TUBA1C: variants seen among roughly 807,000 people sequenced by gnomAD.
TUBA1C encodes the protein tubulin alpha 1c.
Under a neutral mutation model 34.9 loss-of-function variants are expected in TUBA1C, and 16 were observed. The ratio of observed to expected loss-of-function variants is 0.46; its 90% confidence interval spans 0.31 to 0.70. The LOEUF (loss-of-function observed/expected upper bound fraction) is 0.70. TUBA1C is among the 30% of genes least tolerant of loss of function. The pLI is 0.05. For synonymous variants in TUBA1C, 177 were observed against 215.9 expected (o/e 0.82, Z 1.58); for missense variants, 329 against 587.3 (o/e 0.56, Z 4.55).
upstream of TUBA1C, chr12:49,264,643 G>T (rs1942876126): frequency 6.6e-6 from 1 of 152,322 alleles, no homozygotes; most frequent in Non-Finnish European, 1.5e-5. Context: ...GGGCGCGGTC[G>T]CCCTCTTACC....
intron 1 of TUBA1C, among the ~76,000 whole-genome samples, chr12:49,253,984 C>T (rs1185284941): frequency 6.6e-6 from 1 of 152,016 alleles, no homozygotes; most frequent in Non-Finnish European, 1.5e-5. Context: ...AAATCAGGGA[C>T]GGGGAGCCCT....
chr12:49,232,303 A>G (rs1942506246), intron 1 of TUBA1C, among the ~76,000 whole-genome samples: 1 of 152,198 alleles, frequency 6.6e-6, no homozygotes. Context: ...TGTCCTTCTC[A>G]GCACAGTAAG....
chr12:49,242,394 A>C (rs1189266665), intron 1 of TUBA1C, among the ~76,000 whole-genome samples: 1 of 152,210 alleles, frequency 6.6e-6, no homozygotes, highest in African/African-American at 2.4e-5. Context: ...CTTAACTAGC[A>C]AAACCAGTCC....
At chr12:49,271,785 G>A (rs924275103) in intron 3 of TUBA1C, among the ~76,000 whole-genome samples, 1 of 152,168 alleles carries the variant, frequency 6.6e-6, no homozygotes, top group African/African-American at 2.4e-5. Context: ...GCCCTGTTCT[G>A]TGGCCACAGC....
chr12:49,245,504 G>A (rs1194547740), intron 1 of TUBA1C, among the ~76,000 whole-genome samples: 1 of 152,184 alleles, frequency 6.6e-6, no homozygotes, highest in East Asian at 1.9e-4. Context: ...AGCTACTCAG[G>A]AGGCTGAGGT....
At chr12:49,235,226 G>A (rs989271156) in intron 1 of TUBA1C, among the ~76,000 whole-genome samples, 5 of 151,718 alleles carry the variant, frequency 3.3e-5, no homozygotes, top group African/African-American at 9.7e-5. Context: ...GGACAAAAAG[G>A]CAGTATAGGT....
At chr12:49,266,253 GTC>G (rs1942910083) in intron 1 of TUBA1C, among the ~76,000 whole-genome samples, 1 of 131,232 alleles carries the variant, frequency 7.6e-6, no homozygotes, top group African/African-American at 2.9e-5. Flanking sequence ...GTGAAACCCC[GTC>G]TCTACTAAAA....
chr12:49,244,796 A>T (rs1942651292), intron 1 of TUBA1C, among the ~76,000 whole-genome samples: 1 of 152,204 alleles, frequency 6.6e-6, no homozygotes, highest in Non-Finnish European at 1.5e-5. Flanking sequence ...ATGAGATTGA[A>T]GGCCATCCCA....
intron 1 of TUBA1C, among the ~76,000 whole-genome samples, chr12:49,260,030 G>C (rs986745760): frequency 6.6e-6 from 1 of 152,180 alleles, no homozygotes; most frequent in Non-Finnish European, 1.5e-5. Flanking sequence ...TGCTTTTTCA[G>C]TACATGAATA....
chr12:49,238,109 C>CAA (rs759147395), intron 1 of TUBA1C, among the ~76,000 whole-genome samples: 11 of 103,804 alleles, frequency 1.1e-4, no homozygotes, highest in African/African-American at 1.0e-4. Context: ...GATTCCGCCT[C>CAA]AAAAAAAAAA....
At chr12:49,258,457 T>C (rs1437187614) in intron 1 of TUBA1C, among the ~76,000 whole-genome samples, 1 of 152,146 alleles carries the variant, frequency 6.6e-6, no homozygotes, top group Non-Finnish European at 1.5e-5. Context: ...TGAGACAGTC[T>C]CGCTCTATTG....
intron 1 of TUBA1C, among the ~76,000 whole-genome samples, chr12:49,248,727 G>A (rs1273936537): frequency 2.0e-5 from 3 of 151,478 alleles, no homozygotes; most frequent in East Asian, 3.9e-4. Flanking sequence ...AATTAGCCGG[G>A]CGTGGTGGCA....
chr12:49,266,529 C>A (rs146393671), intron 1 of TUBA1C, among the ~76,000 whole-genome samples: 32 of 152,232 alleles, frequency 2.1e-4, no homozygotes, highest in African/African-American at 6.0e-4. Context: ...TGAGTGTTTT[C>A]TATAAAGCTT....
At chr12:49,262,399 T>TAA (rs55985243), upstream of TUBA1C, among the ~76,000 whole-genome samples, 828 of 41,182 alleles carry the variant, frequency 0.02, 32 homozygotes, top group African/African-American at 0.073. Context: ...AGACCCTGTG[T>TAA]AAAAAAAAAA....
At chr12:49,269,772 C>T (rs1304770866) in intron 2 of TUBA1C, 56 bp from the exon 3 acceptor site, 93 of 1,613,428 alleles carry the variant, frequency 5.8e-5, no homozygotes, top group Non-Finnish European at 7.7e-5. Flanking sequence ...GGTCACTCAC[C>T]CACTCTCCCT....
chr12:49,247,492 T>C (rs1421087140), intron 1 of TUBA1C, among the ~76,000 whole-genome samples: 1 of 151,116 alleles, frequency 6.6e-6, no homozygotes, highest in Non-Finnish European at 1.5e-5. Context: ...AGATCAGATG[T>C]ACTCAGGAGG....
intron 1 of TUBA1C, chr12:49,233,159 G>C (rs1942514730): frequency 6.6e-6 from 1 of 152,356 alleles, no homozygotes; most frequent in Admixed American, 6.5e-5. Flanking sequence ...GTGTCCTTGC[G>C]ATTAGTTTGG....
At chr12:49,262,399 T>TAAAA (rs55985243), upstream of TUBA1C, among the ~76,000 whole-genome samples, 4 of 42,034 alleles carry the variant, frequency 9.5e-5, no homozygotes, top group African/African-American at 2.2e-4. Context: ...AGACCCTGTG[T>TAAAA]AAAAAAAAAA....
chr12:49,258,823 C>T (rs1356414162), intron 1 of TUBA1C, among the ~76,000 whole-genome samples: 1 of 151,636 alleles, frequency 6.6e-6, no homozygotes, highest in Admixed American at 6.6e-5. Context: ...ATGGCACACT[C>T]TCGGCTCACT....
Sources: allele counts gnomAD v4.1 joint callset (sites outside exome capture counted in the v4.1 genomes callset), GRCh38; gene constraint gnomAD v4.1.1; transcripts MANE v1.5; gene names NCBI Gene and HGNC (gene_info 2026-07-23, HGNC 2026-07-21).